Variants in PKNOX2 observed in about 807,000 individuals in gnomAD.
The protein encoded by PKNOX2 is homeobox protein PKNOX2.
PKNOX2 carries 14 observed loss-of-function variants against 53.1 expected under a neutral mutation model. The observed-to-expected ratio is 0.26, with a 90% confidence interval of 0.17 to 0.41. The LOEUF is 0.41. Among genes scored for constraint, PKNOX2 ranks in the 10% least tolerant of loss-of-function variants. PKNOX2 has a pLI of 1.00. For missense variants in PKNOX2, 496 were observed against 602.8 expected, an observed-to-expected ratio of 0.82 and a Z score of 1.85; for synonymous variants, 257 against 242.8, an observed-to-expected ratio of 1.06 and a Z score of -0.54.
In PKNOX2 at chr11:125,431,214, C is replaced by A; in HGVS notation, c.1241C>A (p.Thr414Asn). Reference sequence around the variant, plus strand: ...CAGTCCCTGTCCTCAGACAGTGCCACCATGGCCATGCAGCAGGCTATGATG... The same window carrying A: ...CAGTCCCTGTCCTCAGACAGTGCCAACATGGCCATGCAGCAGGCTATGATG... ...NLQSLSSDSATMAMQQAMMAA... is the reference protein window; with the variant it reads ...NLQSLSSDSANMAMQQAMMAA... The change falls in exon 13 of 13, where the codon ACC becomes AAC. Residue 414 changes from threonine (T) to asparagine (N), a missense_variant. Transcript: ENST00000298282. The A allele has an allele frequency of 3.1e-6, 5 of 1,613,806 alleles. No individual in the cohort carries two copies. Among genetic ancestry groups the A allele is most frequent in the Non-Finnish European group, 4.2e-6 (5 of 1,179,884 alleles).
chr11:125,410,553 A>G, intron 8 of PKNOX2: 2 of 689,230 alleles, frequency 2.9e-6, no homozygotes, highest in Non-Finnish European at 4.8e-6. Context: ...GAGAGGACCA[A>G]GTAAGGCTGT....
intron 2 of PKNOX2, among the ~76,000 whole-genome samples, chr11:125,318,627 A>G (rs1837823166): frequency 6.6e-6 from 1 of 152,098 alleles, no homozygotes; most frequent in African/African-American, 2.4e-5. Flanking sequence ...AGCACTTTAA[A>G]CTTCTCTCAA....
chr11:125,253,821 C>T (rs904016412), intron 2 of PKNOX2, among the ~76,000 whole-genome samples: 3 of 152,144 alleles, frequency 2.0e-5, no homozygotes, highest in African/African-American at 7.2e-5. Context: ...TTCCCTTCAT[C>T]GCAGGAGCAG....
rs1022416755 is a variant in PKNOX2, at chr11:125,431,791, G to A, written c.*399G>A. On this transcript the variant is annotated 3_prime_UTR_variant, in exon 13 of 13. Transcript: ENST00000298282. ...TGTTCGCAGAGTAGGCCTTTGCCCGGGGGCAGACTTAGAAGGAAGGGGAGA... is the reference window on the plus strand; with the variant it reads ...TGTTCGCAGAGTAGGCCTTTGCCCGAGGGCAGACTTAGAAGGAAGGGGAGA... 1 of 178,366 alleles carries A rather than the reference G, an allele frequency of 5.6e-6. No homozygotes were observed. The highest frequency in any genetic ancestry group is 1.2e-5 in the Non-Finnish European group (1 of 84,190). The allele number at this position is 178,366 out of a possible 1,614,324, so 11.0% of individuals were successfully genotyped here.
intron 2 of PKNOX2, among the ~76,000 whole-genome samples, chr11:125,294,181 A>T (rs1473438298): frequency 6.6e-6 from 1 of 152,224 alleles, no homozygotes; most frequent in Non-Finnish European, 1.5e-5. Context: ...GCAGAAACAC[A>T]AATGATTCCT....
chr11:125,279,436 C>T (rs1946403656), intron 2 of PKNOX2, among the ~76,000 whole-genome samples: 1 of 152,208 alleles, frequency 6.6e-6, no homozygotes, highest in African/African-American at 2.4e-5. Context: ...AATTCACTGG[C>T]CTCGCATGTC....
chr11:125,320,945 C>G (rs901963949), intron 2 of PKNOX2, among the ~76,000 whole-genome samples: 15 of 152,342 alleles, frequency 9.8e-5, no homozygotes, highest in African/African-American at 3.6e-4. Context: ...CTCTCTTTCA[C>G]TCTCAAAATT....
chr11:125,328,362 TGAGAGA>T (rs140583326), intron 2 of PKNOX2, among the ~76,000 whole-genome samples: 1 of 132,418 alleles, frequency 7.6e-6, no homozygotes, highest in Non-Finnish European at 1.6e-5. Flanking sequence ...AGAGAGTGAG[TGAGAGA>T]GAGAGAGAGA....
At chr11:125,211,020 A>G (rs1447636119) in intron 1 of PKNOX2, among the ~76,000 whole-genome samples, 26 of 152,170 alleles carry the variant, frequency 1.7e-4, no homozygotes, top group Admixed American at 1.7e-3. Context: ...TATGGAATGA[A>G]TGAGACGATG....
intron 2 of PKNOX2, among the ~76,000 whole-genome samples, chr11:125,285,474 A>G (rs112116812): frequency 2.6e-5 from 4 of 152,196 alleles, no homozygotes; most frequent in African/African-American, 9.6e-5. Context: ...AACTTCTCTT[A>G]AGCTTCAGGG....
chr11:125,324,626 G>C (rs886675392), intron 2 of PKNOX2, among the ~76,000 whole-genome samples: 1 of 152,180 alleles, frequency 6.6e-6, no homozygotes, highest in Non-Finnish European at 1.5e-5. Flanking sequence ...AACGGTCCTC[G>C]TGCAGCCTGT....
chr11:125,384,811 A>G (rs1370549528), intron 5 of PKNOX2, among the ~76,000 whole-genome samples: 1 of 152,172 alleles, frequency 6.6e-6, no homozygotes, highest in Non-Finnish European at 1.5e-5. Flanking sequence ...CATTCACCGA[A>G]TATTTATTAA....
At chr11:125,212,532 G>A (rs1437633313) in intron 1 of PKNOX2, among the ~76,000 whole-genome samples, 1 of 145,054 alleles carries the variant, frequency 6.9e-6, no homozygotes, top group Non-Finnish European at 1.5e-5. Context: ...ACGGCTCACT[G>A]CAACCTCCGC....
chr11:125,397,748 G>A (rs2135455927), intron 6 of PKNOX2, 126 bp from the exon 7 acceptor site: 2 of 976,682 alleles, frequency 2.0e-6, no homozygotes, highest in Non-Finnish European at 3.1e-6. Flanking sequence ...CCAAGATCAA[G>A]TGTAGGAAGC....
intron 2 of PKNOX2, among the ~76,000 whole-genome samples, chr11:125,289,055 T>C (rs1947123759): frequency 6.6e-6 from 1 of 152,226 alleles, no homozygotes; most frequent in Non-Finnish European, 1.5e-5. Flanking sequence ...GCAGGTGCCT[T>C]TTACCATTTC....
At chr11:125,357,157 CTCTT>C (rs989536160) in intron 4 of PKNOX2, among the ~76,000 whole-genome samples, 4 of 152,156 alleles carry the variant, frequency 2.6e-5, no homozygotes, top group Non-Finnish European at 5.9e-5. Flanking sequence ...ACAGACTCTT[CTCTT>C]TCTTTTTTCT....
chr11:125,375,037 T>C (rs73628714), intron 5 of PKNOX2, among the ~76,000 whole-genome samples: 5,444 of 152,250 alleles, frequency 0.036, 295 homozygotes, highest in African/African-American at 0.12. Context: ...CCAGCTTCCC[T>C]GTCTTTTAAC....
chr11:125,273,416 G>A (rs1296741406), intron 2 of PKNOX2, among the ~76,000 whole-genome samples: 2 of 152,188 alleles, frequency 1.3e-5, no homozygotes, highest in Non-Finnish European at 2.9e-5. Flanking sequence ...AGGAGGAGGC[G>A]GGTCAGAGCG....
At chr11:125,430,976 G>T (rs1956674285) in intron 12 of PKNOX2, among the ~76,000 whole-genome samples, 190 bp from the exon 13 acceptor site, 1 of 152,230 alleles carries the variant, frequency 6.6e-6, no homozygotes, top group Admixed American at 6.5e-5. Flanking sequence ...CTGAGATGGG[G>T]CAGGGAGTAG....
Sources: gnomAD v4.1 joint callset for allele counts (sites outside exome capture counted in the v4.1 genomes callset) on GRCh38, gnomAD v4.1.1 for gene constraint, MANE v1.5 for transcripts, NCBI Gene and HGNC (gene_info 2026-07-23, HGNC 2026-07-21) for gene names.